Variants in TRHDE observed in about 807,000 individuals in gnomAD.
TRHDE encodes the protein thyrotropin-releasing hormone-degrading ectoenzyme.
TRHDE carries 72 observed loss-of-function variants against 125.7 expected under a neutral mutation model. The observed-to-expected ratio is 0.57, with a 90% CI of 0.47 to 0.70. TRHDE has a LOEUF of 0.70. TRHDE is among the 30% of genes least tolerant of loss of function. The pLI is 0.00. For synonymous variants in TRHDE, 509 were observed against 509.1 expected, an observed-to-expected ratio of 1.00 and a Z score of 0.00; for missense variants, 1,110 against 1,327.1, an observed-to-expected ratio of 0.84 and a Z score of 2.54.
Position 72,597,709 on chromosome 12 carries a change from GTATGTATATATATA to G in TRHDE, c.2322-21178_2322-21165del, listed in dbSNP as rs1339094263. Among the ~76,000 whole-genome samples the G allele has an allele frequency of 7.9e-3, 452 of 56,938 alleles. 14 individuals are homozygous for G. Among genetic ancestry groups the G allele is most frequent in the African/African-American group, 0.024 (356 of 14,570 alleles). The allele number at this position is 56,938 out of a possible 152,430, so 37.4% of individuals were successfully genotyped here. A position where few individuals can be genotyped will look rare whatever the true frequency, so the allele number is the denominator to read the frequency against. ...AAGAGAGGTATATATATGTGTGTGT[GTATGTATATATATA>G]TATATATATATATATATATATATAT... On this transcript the variant is annotated intron_variant, in intron 12 of 18. Transcript: ENST00000261180.
At chr12:72,457,352 T>C (rs1875906524) in intron 3 of TRHDE, among the ~76,000 whole-genome samples, 1 of 152,078 alleles carries the variant, frequency 6.6e-6, no homozygotes, top group African/African-American at 2.4e-5. Flanking sequence ...AATTATCTGT[T>C]CTTCTTTTTT....
At chr12:72,313,658 G>C (rs1868653480) in intron 2 of TRHDE, among the ~76,000 whole-genome samples, 2 of 152,192 alleles carry the variant, frequency 1.3e-5, no homozygotes, top group African/African-American at 4.8e-5. Context: ...TCTTAACAAA[G>C]TATGGAACAT....
At chr12:72,325,853 A>G (rs898036497) in intron 2 of TRHDE, among the ~76,000 whole-genome samples, 4 of 152,156 alleles carry the variant, frequency 2.6e-5, no homozygotes, top group African/African-American at 9.7e-5. Context: ...AACATGTGCA[A>G]CTCACTATGC....
chr12:72,506,968 TAGTG>T (rs1878381341), intron 6 of TRHDE, among the ~76,000 whole-genome samples: 1 of 152,116 alleles, frequency 6.6e-6, no homozygotes, highest in African/African-American at 2.4e-5. Flanking sequence ...GTTCTCCTGA[TAGTG>T]AGTGAGTTCT....
At chr12:72,542,449 G>C in intron 7 of TRHDE, 93 bp downstream of exon 7, 1 of 1,026,172 alleles carries the variant, frequency 9.7e-7, no homozygotes, top group Non-Finnish European at 1.4e-6. Context: ...GCTGAACTTG[G>C]TGGAAAACTT....
chr12:72,427,706 A>T (rs1592436646), intron 3 of TRHDE, among the ~76,000 whole-genome samples: 2 of 152,314 alleles, frequency 1.3e-5, no homozygotes, highest in Middle Eastern at 6.8e-3. Context: ...CATAAGGGGA[A>T]CATACTACCA....
At chr12:72,296,530 T>A (rs1880305862) in intron 2 of TRHDE, among the ~76,000 whole-genome samples, 1 of 151,880 alleles carries the variant, frequency 6.6e-6, no homozygotes, top group Non-Finnish European at 1.5e-5. Context: ...TTGTTAGTAA[T>A]AGCTGAGTCA....
intron 2 of TRHDE, among the ~76,000 whole-genome samples, chr12:72,134,137 G>T (rs1201096186): frequency 1.3e-5 from 2 of 152,148 alleles, no homozygotes; most frequent in African/African-American, 4.8e-5. Flanking sequence ...TTCTCTCCAG[G>T]ATTTGGATTA....
At chr12:72,442,304 G>A (rs1875053990) in intron 3 of TRHDE, among the ~76,000 whole-genome samples, 1 of 151,832 alleles carries the variant, frequency 6.6e-6, no homozygotes, top group African/African-American at 2.4e-5. Flanking sequence ...GCTCCACAAA[G>A]AGAGGGCAGA....
At chr12:72,439,056 T>A (rs1042799797) in intron 3 of TRHDE, among the ~76,000 whole-genome samples, 1 of 152,004 alleles carries the variant, frequency 6.6e-6, no homozygotes, top group Non-Finnish European at 1.5e-5. Context: ...GAAGAGATTG[T>A]CCTTTGCCCA....
intron 12 of TRHDE, among the ~76,000 whole-genome samples, chr12:72,597,329 G>A (rs928720678): frequency 2.6e-5 from 4 of 152,136 alleles, no homozygotes; most frequent in Non-Finnish European, 4.4e-5. Flanking sequence ...TAGCAATGTC[G>A]TGATTCTTTT....
intron 1 of TRHDE, among the ~76,000 whole-genome samples, chr12:72,282,230 A>G (rs777789623): frequency 6.6e-6 from 1 of 152,166 alleles, no homozygotes; most frequent in African/African-American, 2.4e-5. Flanking sequence ...ACTTTTTGCT[A>G]TATTTACATA....
chr12:72,091,290 C>T (rs1475836471), intron 1 of TRHDE, among the ~76,000 whole-genome samples: 1 of 152,136 alleles, frequency 6.6e-6, no homozygotes, highest in East Asian at 1.9e-4. Flanking sequence ...CTTCAAATCC[C>T]TATATGGTTA....
intron 2 of TRHDE, among the ~76,000 whole-genome samples, chr12:72,233,955 G>A (rs1259966551): frequency 6.6e-6 from 1 of 152,058 alleles, no homozygotes; most frequent in Non-Finnish European, 1.5e-5. Context: ...TATCCCAAGT[G>A]TATGCTCAAT....
rs1415272079 is a variant in TRHDE at position 72,536,302 on chromosome 12, TAAG to T, written c.1723-5985_1723-5983del. ...AGCTACTAGGTTAGTCCAGATTTTC[TAAG>T]AAGGAGAAAACATTATATGCAAAAG... is the stretch of plus-strand genomic sequence containing the variant. On this transcript the variant is annotated intron_variant, in intron 6 of 18. Coordinates refer to ENST00000261180, the MANE Select transcript of TRHDE (RefSeq NM_013381.3). Among the ~76,000 whole-genome samples, 6 of 152,168 alleles carry T rather than the reference TAAG, an allele frequency of 3.9e-5. No individual in the cohort carries two copies. In the East Asian group the frequency reaches 5.8e-4, roughly 15 times the overall value.
intron 2 of TRHDE, among the ~76,000 whole-genome samples, chr12:72,189,473 A>G (rs1191168780): frequency 6.6e-6 from 1 of 152,224 alleles, no homozygotes; most frequent in Non-Finnish European, 1.5e-5. Context: ...AAAGGAAAAC[A>G]GGAAGAACTA....
At chr12:72,409,234 C>CA (rs1423566361) in intron 3 of TRHDE, among the ~76,000 whole-genome samples, 1 of 152,110 alleles carries the variant, frequency 6.6e-6, no homozygotes, top group African/African-American at 2.4e-5. Flanking sequence ...GGAAATATAT[C>CA]ATTATTGTAT....
chr12:72,177,498 G>T (rs1459382205), intron 2 of TRHDE, among the ~76,000 whole-genome samples: 1 of 151,916 alleles, frequency 6.6e-6, no homozygotes, highest in African/African-American at 2.4e-5. Context: ...CTACAGTCTA[G>T]CAAACTATGA....
intron 3 of TRHDE, among the ~76,000 whole-genome samples, chr12:72,438,430 C>G (rs1874844171): frequency 6.6e-6 from 1 of 151,778 alleles, no homozygotes; most frequent in Non-Finnish European, 1.5e-5. Flanking sequence ...TACGTGCTCA[C>G]CAACACTTAT....
Sources: gnomAD v4.1 joint callset for allele counts (sites outside exome capture counted in the v4.1 genomes callset) on GRCh38, gnomAD v4.1.1 for gene constraint, MANE v1.5 for transcripts, NCBI Gene and HGNC (gene_info 2026-07-23, HGNC 2026-07-21) for gene names.